The following RIMS1 variants were observed in gnomAD, a reference collection of about 807,000 sequenced individuals.
The protein encoded by RIMS1 is regulating synaptic membrane exocytosis protein 1.
In RIMS1, 83 loss-of-function variants were observed where a neutral mutation model predicts 214.1. The observed-to-expected ratio is 0.39, with a 90% confidence interval of 0.32 to 0.47. The LOEUF (loss-of-function observed/expected upper bound fraction) is 0.47, where lower values mean the gene tolerates loss of function less well. Among genes scored for constraint, RIMS1 ranks in the 20% least tolerant of loss-of-function variants. The pLI is 0.99. For synonymous variants in RIMS1, 793 were observed against 786.8 expected (o/e 1.01, Z -0.13); for missense variants, 2,050 against 2,161.8 (o/e 0.95, Z 1.03).
In RIMS1 at chr6:72,097,039, T is replaced by C. The variant is rs370173016; in HGVS notation, c.336T>C (p.Asp112=). 29 of 1,613,876 alleles carry C rather than the reference T, an allele frequency of 1.8e-5. No homozygotes were observed. The highest frequency in any genetic ancestry group is 2.3e-5 in the Non-Finnish European group (27 of 1,179,882). The change falls in exon 3 of 34, where the codon GAT becomes GAC. Residue 112 remains aspartate, a synonymous_variant. Transcript: ENST00000521978. ...ARRYQGEHKD[D]APTCGICHKT... ...GTTACCAGGGCGAGCACAAAGACGATGCTCCGACTTGTGGAATCTGTCATA... is the reference window on the plus strand; with the variant it reads ...GTTACCAGGGCGAGCACAAAGACGACGCTCCGACTTGTGGAATCTGTCATA...
intron 4 of RIMS1, among the ~76,000 whole-genome samples, chr6:72,118,817 C>A (rs560797823): frequency 6.6e-6 from 1 of 151,652 alleles, no homozygotes; most frequent in Non-Finnish European, 1.5e-5. Context: ...ATAAAAGGTA[C>A]CTACTTCAAA....
intron 31 of RIMS1, among the ~76,000 whole-genome samples, chr6:72,395,234 A>G (rs1284154515): frequency 6.6e-6 from 1 of 152,080 alleles, no homozygotes; most frequent in Non-Finnish European, 1.5e-5. Context: ...TTTTTGGAGA[A>G]AAATAATGAT....
chr6:72,401,433 A>C lies in RIMS1; in HGVS notation c.*719A>C, dbSNP rs568710175. 1.3e-5 allele frequency: 2 copies of C among 152,568 alleles called. No homozygotes were observed. Among genetic ancestry groups the C allele is most frequent in the Non-Finnish European group, 2.9e-5 (2 of 68,028 alleles). 9.5% of individuals were successfully genotyped at this position (152,568 alleles called of 1,614,324 possible). On this transcript the variant is annotated 3_prime_UTR_variant, in exon 34 of 34. Coordinates refer to ENST00000521978, the MANE Select transcript of RIMS1 (RefSeq NM_014989.7). ...TCTTATGTGTGGATACCCAAGAGAC[A>C]AAAAGTTATCTTCCAAAATAAATAA...
chr6:72,213,843 C>T (rs1184708700), intron 6 of RIMS1, among the ~76,000 whole-genome samples: 1 of 152,092 alleles, frequency 6.6e-6, no homozygotes, highest in Non-Finnish European at 1.5e-5. Flanking sequence ...TTTATGTATT[C>T]TCTCCCAAGG....
rs944646212 is a variant in RIMS1 at position 72,172,618 on chromosome 6, G to A, written c.472-6957G>A. On this transcript the variant is annotated intron_variant, in intron 4 of 33. Transcript: ENST00000521978. The stretch of plus-strand genomic sequence containing the variant: ...CAGCTTAACACAGTCATTAACCAGA[G>A]CCAAGCAATGAATTTAGATTATGCT... 1.3e-4 allele frequency among the ~76,000 whole-genome samples: 20 copies of A among 152,246 alleles called. No homozygotes were observed. In the South Asian group the frequency reaches 3.1e-3, roughly 24 times the overall value.
At chr6:72,252,460 T>TA (rs532079194) in intron 15 of RIMS1, among the ~76,000 whole-genome samples, 158 of 152,292 alleles carry the variant, frequency 1.0e-3, no homozygotes, top group African/African-American at 3.6e-3. Context: ...CAATGTACTG[T>TA]ATATACTGTG....
At chr6:72,339,864 A>G (rs1232174581) in intron 29 of RIMS1, among the ~76,000 whole-genome samples, 1 of 151,854 alleles carries the variant, frequency 6.6e-6, no homozygotes, top group African/African-American at 2.4e-5. Context: ...TGCCACACTG[A>G]CTTCCACAAT....
intron 1 of RIMS1, among the ~76,000 whole-genome samples, chr6:71,928,828 T>G (rs1782260641): frequency 1.3e-5 from 2 of 152,142 alleles, no homozygotes; most frequent in African/African-American, 4.8e-5. Flanking sequence ...GATTTTAACA[T>G]GCAGCCAGTG....
chr6:72,007,791 C>G (rs1167229512), intron 2 of RIMS1, among the ~76,000 whole-genome samples: 1 of 152,064 alleles, frequency 6.6e-6, no homozygotes, highest in Non-Finnish European at 1.5e-5. Context: ...TAAAAAGAAA[C>G]AAACAAAGCC....
intron 24 of RIMS1, 67 bp downstream of exon 24, chr6:72,284,185 C>T: frequency 3.0e-6 from 4 of 1,330,952 alleles, no homozygotes; most frequent in Non-Finnish European, 4.3e-6. Context: ...TGCTGTCACT[C>T]TCATTTTACA....
chr6:72,241,988 T>C (rs2154112853), intron 9 of RIMS1, among the ~76,000 whole-genome samples: 1 of 152,292 alleles, frequency 6.6e-6, no homozygotes, highest in Non-Finnish European at 1.5e-5. Context: ...TGTTTCCAAA[T>C]AGGCTGTGCT....
chr6:72,304,717 GTT>G (rs2094974188), intron 26 of RIMS1, among the ~76,000 whole-genome samples: 1 of 151,844 alleles, frequency 6.6e-6, no homozygotes, highest in Non-Finnish European at 1.5e-5. Flanking sequence ...TGTATAAACA[GTT>G]ATTTCAGAAT....
chr6:72,222,656 T>G (rs1038296795), intron 6 of RIMS1, among the ~76,000 whole-genome samples: 15 of 152,166 alleles, frequency 9.9e-5, no homozygotes, highest in Non-Finnish European at 8.8e-5. Context: ...ATTGTTATGA[T>G]TATTGCTATT....
chr6:72,245,439 C>T (rs971341015), intron 10 of RIMS1, among the ~76,000 whole-genome samples: 1 of 151,984 alleles, frequency 6.6e-6, no homozygotes, highest in Non-Finnish European at 1.5e-5. Flanking sequence ...GTTTGTAAAG[C>T]ATATTACTGA....
At chr6:72,028,438 A>C (rs1306157473) in intron 2 of RIMS1, among the ~76,000 whole-genome samples, 4 of 152,198 alleles carry the variant, frequency 2.6e-5, no homozygotes, top group African/African-American at 9.6e-5. Context: ...TATATTTTGC[A>C]GTGTGAAATT....
In RIMS1 at chr6:72,158,462, G is replaced by A. The variant is rs2044757080; in HGVS notation, c.472-21113G>A. Among the ~76,000 whole-genome samples the A allele has an allele frequency of 2.2e-5, 3 of 138,968 alleles. 1 individual carries two copies. The South Asian group carries it at 7.3e-4, about 34-fold the overall frequency. The allele number at this position is 138,968 out of a possible 152,430, so 91.2% of individuals were successfully genotyped here. On this transcript the variant is annotated intron_variant, in intron 4 of 33. Transcript: ENST00000521978. ...TTAGGCTACATGTGCACAACGTGCA[G>A]GTTTGTTACATATGTATACATGTGC...
intron 23 of RIMS1, among the ~76,000 whole-genome samples, chr6:72,280,319 CAATT>C (rs1162459086): frequency 1.3e-5 from 2 of 151,880 alleles, no homozygotes; most frequent in African/African-American, 2.4e-5. Flanking sequence ...TGTGATTACA[CAATT>C]AATAGTTTCA....
intron 26 of RIMS1, among the ~76,000 whole-genome samples, chr6:72,305,508 A>G (rs1452705769): frequency 6.6e-6 from 1 of 152,126 alleles, no homozygotes; most frequent in African/African-American, 2.4e-5. Flanking sequence ...CTCAAAGCAA[A>G]TGATTGAGCG....
At chr6:72,034,332 C>T (rs1171624170) in intron 2 of RIMS1, among the ~76,000 whole-genome samples, 1 of 152,118 alleles carries the variant, frequency 6.6e-6, no homozygotes, top group Non-Finnish European at 1.5e-5. Flanking sequence ...GTCCTCTATA[C>T]TTATTTGCTA....
Sources: gnomAD v4.1 joint callset for allele counts (sites outside exome capture counted in the v4.1 genomes callset) on GRCh38, gnomAD v4.1.1 for gene constraint, MANE v1.5 for transcripts, NCBI Gene and HGNC (gene_info 2026-07-23, HGNC 2026-07-21) for gene names.